PTPRJ: variants seen among roughly 807,000 people sequenced by gnomAD.
PTPRJ encodes receptor-type tyrosine-protein phosphatase eta.
In PTPRJ, 129 loss-of-function variants were observed where a neutral mutation model predicts 141.3. That is an observed-to-expected ratio of 0.91 (90% confidence interval 0.79 to 1.06). The LOEUF is 1.06. PTPRJ is among the 50% of genes least tolerant of loss of function. PTPRJ has a pLI of 0.00. For synonymous variants in PTPRJ, 610 were observed against 640.5 expected, an observed-to-expected ratio of 0.95 and a Z score of 0.72; for missense variants, 1,601 against 1,679.7, an observed-to-expected ratio of 0.95 and a Z score of 0.82.
intron 1 of PTPRJ, among the ~76,000 whole-genome samples, chr11:48,039,153 A>C (rs1854206519): frequency 6.8e-6 from 1 of 146,016 alleles, no homozygotes; most frequent in Non-Finnish European, 1.6e-5. Context: ...CTGTCTCAAA[A>C]AAAAAAAAAA....
chr11:48,004,290 C>T (rs1854571693), intron 1 of PTPRJ, among the ~76,000 whole-genome samples: 1 of 152,194 alleles, frequency 6.6e-6, no homozygotes, highest in Non-Finnish European at 1.5e-5. Context: ...GATCAGATTC[C>T]TCCCCTGCGT....
chr11:47,999,152 T>A lies in PTPRJ; in HGVS notation c.96+18144T>A, dbSNP rs987702896. ...GTATAGAAGGGATTCTCAGATCACT[T>A]GGGATGTCCTGGCTCAGCAGGAGGC... On this transcript the variant is annotated intron_variant, in intron 1 of 24. Coordinates refer to ENST00000418331, the MANE Select transcript of PTPRJ (RefSeq NM_002843.4). Among the ~76,000 whole-genome samples the A allele has an allele frequency of 2.0e-5, 3 of 152,166 alleles. No homozygotes were observed. In the East Asian group the frequency reaches 5.8e-4, roughly 29 times the overall value.
intron 3 of PTPRJ, among the ~76,000 whole-genome samples, chr11:48,119,791 A>G (rs1435943410): frequency 1.3e-5 from 2 of 152,222 alleles, no homozygotes; most frequent in Non-Finnish European, 2.9e-5. Context: ...GCAAGATGGT[A>G]ACACTTACAC....
At position 48,149,471 on chromosome 11, in the gene PTPRJ, G is replaced by A. The variant is rs753155366; in HGVS notation, c.3024G>A (p.Val1008=). ...GGAAAGATGCAAAGAATAATGAAGT[G>A]TCCTTTTCTCAAATTAAGTAAGTCT... The part of the protein sequence containing the change: ...KKRKDAKNNE[V]SFSQIKPKKS... The change falls in exon 16 of 25, where the codon GTG becomes GTA. Residue 1008 remains valine (V), a synonymous_variant. Transcript: ENST00000418331. The A allele has an allele frequency of 6.6e-7, 1 of 1,519,164 alleles. No individual in the cohort carries two copies. Among genetic ancestry groups the A allele is most frequent in the East Asian group, 2.3e-5 (1 of 43,372 alleles). 94.1% of individuals were successfully genotyped at this position (1,519,164 alleles called of 1,614,324 possible).
At chr11:48,048,132 T>C (rs1221595067) in intron 1 of PTPRJ, among the ~76,000 whole-genome samples, 1 of 152,214 alleles carries the variant, frequency 6.6e-6, no homozygotes, top group African/African-American at 2.4e-5. Flanking sequence ...TCTTTGATAG[T>C]GTTTGCCTTC....
At chr11:48,131,782 T>A (rs1222978292) in intron 8 of PTPRJ, 12 of 395,166 alleles carry the variant, frequency 3.0e-5, no homozygotes, top group Middle Eastern at 6.4e-4. Flanking sequence ...GATCAGTGGT[T>A]TTCAAATTGT....
At position 48,018,793 on chromosome 11, in the gene PTPRJ, C is replaced by T. The variant is rs1313429467; in HGVS notation, c.96+37785C>T. Among the ~76,000 whole-genome samples the T allele has an allele frequency of 4.6e-5, 7 of 152,242 alleles. No individual in the cohort carries two copies. The East Asian group carries it at 7.7e-4, about 17-fold the overall frequency. ...GAGTAAGTGACAGCCCCTTTTATTT[C>T]CTGCTTTGTTCTCTCCCAGGTACCA... On this transcript the variant is annotated intron_variant, in intron 1 of 24. Transcript: ENST00000418331.
At chr11:48,070,921 A>G (rs1473994847) in intron 1 of PTPRJ, among the ~76,000 whole-genome samples, 1 of 152,220 alleles carries the variant, frequency 6.6e-6, no homozygotes, top group East Asian at 1.9e-4. Flanking sequence ...ATATTCTTTA[A>G]TTAAAAATGG....
chr11:48,061,134 AC>A (rs1371571643), intron 1 of PTPRJ, among the ~76,000 whole-genome samples: 2 of 151,934 alleles, frequency 1.3e-5, no homozygotes, highest in Admixed American at 1.3e-4. Context: ...GTACCACCAC[AC>A]CTGGCTAATT....
chr11:48,148,801 C>T (rs1289186408), intron 15 of PTPRJ, among the ~76,000 whole-genome samples: 1 of 152,148 alleles, frequency 6.6e-6, no homozygotes, highest in Non-Finnish European at 1.5e-5. Context: ...ATCTAGTTAA[C>T]CAATTTCCTA....
intron 1 of PTPRJ, among the ~76,000 whole-genome samples, chr11:48,017,500 C>T (rs1854981801): frequency 6.6e-6 from 1 of 152,210 alleles, no homozygotes; most frequent in South Asian, 2.1e-4. Context: ...ATAAGAGTGA[C>T]ATGGCATTCC....
At chr11:48,007,859 A>G (rs1014442633) in intron 1 of PTPRJ, among the ~76,000 whole-genome samples, 7 of 152,316 alleles carry the variant, frequency 4.6e-5, no homozygotes, top group Non-Finnish European at 8.8e-5. Flanking sequence ...TCTAATGCAA[A>G]CCGTTTACTT....
At position 48,153,777 on chromosome 11, in the gene PTPRJ, TC is replaced by T. The variant is rs752396979; in HGVS notation, c.3139-18del. On this transcript the variant is annotated intron_variant, in intron 18 of 24. Coordinates refer to ENST00000418331, the MANE Select transcript of PTPRJ (RefSeq NM_002843.4). ...TTTGAAGACTAAATAAATGAACACC[TC>T]ATTTGTTTTGTTTTCAGGATCTGAA... 2.5e-5 allele frequency: 38 copies of T among 1,534,206 alleles called. No individual in the cohort carries two copies. In the East Asian group the frequency reaches 7.7e-4, roughly 31 times the overall value.
At chr11:48,037,673 C>T (rs950861116) in intron 1 of PTPRJ, among the ~76,000 whole-genome samples, 1 of 151,902 alleles carries the variant, frequency 6.6e-6, no homozygotes, top group Non-Finnish European at 1.5e-5. Context: ...ATTAGGTGGG[C>T]GTGGTGATGG....
chr11:48,162,511 G>T (rs948342443), intron 22 of PTPRJ, among the ~76,000 whole-genome samples: 3 of 152,096 alleles, frequency 2.0e-5, no homozygotes, highest in African/African-American at 7.2e-5. Context: ...TATCTGTGAT[G>T]AGGTCTTCTA....
intron 1 of PTPRJ, among the ~76,000 whole-genome samples, chr11:48,041,268 C>T (rs1392360554): frequency 1.3e-5 from 2 of 152,246 alleles, no homozygotes; most frequent in East Asian, 1.9e-4. Context: ...ATGAAGGATT[C>T]GTGTGAAAAT....
At position 48,155,830 on chromosome 11, in the gene PTPRJ, C is replaced by T; in HGVS notation, c.3259C>T (p.Gln1087Ter). The change falls in exon 20 of 25, where the codon CAG becomes TAG. Residue 1087 changes from glutamine to a stop codon, truncating the protein, a stop_gained. Transcript: ENST00000418331. LOFTEE classifies it high-confidence loss of function. ...YDISRVKLSVQTHSTDDYINA... is the reference protein window; with the variant it reads ...YDISRVKLSV ...TATTTCCCGTGTCAAACTTTCGGTCCAGACCCATTCAACGGATGACTACAT... is the reference window on the plus strand; with the variant it reads ...TATTTCCCGTGTCAAACTTTCGGTCTAGACCCATTCAACGGATGACTACAT... 6.2e-7 allele frequency: 1 copy of T among 1,609,068 alleles called. No individual in the cohort carries two copies. The highest frequency in any genetic ancestry group is 8.5e-7 in the Non-Finnish European group (1 of 1,175,606).
At chr11:48,124,364 C>G (rs529543426) in intron 5 of PTPRJ, among the ~76,000 whole-genome samples, 28 of 152,312 alleles carry the variant, frequency 1.8e-4, no homozygotes, top group Non-Finnish European at 3.5e-4. Flanking sequence ...AGAAACCAGA[C>G]TTTGGATAGC....
chr11:48,099,811 A>G (rs1375555566), intron 1 of PTPRJ, among the ~76,000 whole-genome samples: 1 of 152,058 alleles, frequency 6.6e-6, no homozygotes. Flanking sequence ...GCCTTTGCTG[A>G]TGGTTGTATT....
Sources: allele counts gnomAD v4.1 joint callset (sites outside exome capture counted in the v4.1 genomes callset), GRCh38; gene constraint gnomAD v4.1.1; transcripts MANE v1.5; gene names NCBI Gene and HGNC (gene_info 2026-07-23, HGNC 2026-07-21).